The following RAD50 variants were observed in gnomAD, a reference collection of about 807,000 sequenced individuals.
RAD50 encodes DNA repair protein RAD50.
Under a neutral mutation model 168.8 loss-of-function variants are expected in RAD50, and 132 were observed. The observed-to-expected ratio is 0.78, with a 90% CI of 0.68 to 0.90. The LOEUF is 0.90. Among genes scored for constraint, RAD50 ranks in the 40% least tolerant of loss-of-function variants. The pLI is 0.00. For missense variants in RAD50, 1,347 were observed against 1,534.4 expected, an observed-to-expected ratio of 0.88 and a Z score of 2.04; for synonymous variants, 525 against 497.4, an observed-to-expected ratio of 1.06 and a Z score of -0.74.
intron 16 of RAD50, 119 bp from the exon 17 acceptor site, chr5:132,608,496 A>G (rs1222262149): frequency 2.4e-6 from 2 of 825,966 alleles, no homozygotes; most frequent in Non-Finnish European, 3.7e-6. Context: ...GAAAGGAGCA[A>G]ATGAGTTGAC....
At chr5:132,577,868 G>A (rs2149837063) in intron 3 of RAD50, among the ~76,000 whole-genome samples, 1 of 139,640 alleles carries the variant, frequency 7.2e-6, no homozygotes, top group South Asian at 2.3e-4. Context: ...AGGCTGGAGT[G>A]CAGTGGTGAA....
At chr5:132,593,252 T>G (rs1750736090) in intron 11 of RAD50, 1 of 173,564 alleles carries the variant, frequency 5.8e-6, no homozygotes, top group Admixed American at 5.6e-5. Flanking sequence ...TTCAGTTTAA[T>G]TGGGGCTCTT....
chr5:132,591,810 A>G, intron 10 of RAD50, 67 bp from the exon 11 acceptor site: 2 of 1,203,034 alleles, frequency 1.7e-6, no homozygotes, highest in Non-Finnish European at 2.4e-6. Context: ...TCTAGAATTT[A>G]TTTTTGTTCT....
intron 2 of RAD50, among the ~76,000 whole-genome samples, chr5:132,573,186 G>T (rs1020448147): frequency 2.0e-5 from 3 of 152,178 alleles, no homozygotes; most frequent in African/African-American, 7.2e-5. Context: ...GGGCAGGAAA[G>T]CTATGTATAC....
chr5:132,568,492 A>G (rs893895824), intron 2 of RAD50, among the ~76,000 whole-genome samples: 1 of 152,228 alleles, frequency 6.6e-6, no homozygotes, highest in African/African-American at 2.4e-5. Flanking sequence ...AAAAAGACCC[A>G]AGAAGCTGAA....
At chr5:132,562,652 C>A (rs949600577) in intron 2 of RAD50, among the ~76,000 whole-genome samples, 1 of 151,802 alleles carries the variant, frequency 6.6e-6, no homozygotes. Context: ...AAGGAGATGT[C>A]CAGTTGGCAA....
intron 17 of RAD50, 81 bp from the exon 18 acceptor site, chr5:132,609,036 C>T: frequency 6.4e-7 from 1 of 1,559,424 alleles, no homozygotes; most frequent in Non-Finnish European, 8.7e-7. Context: ...TTCATAACTT[C>T]CCAGCCAGTG....
chr5:132,619,966 G>A (rs1055083823), intron 21 of RAD50, among the ~76,000 whole-genome samples: 23 of 148,834 alleles, frequency 1.5e-4, no homozygotes, highest in African/African-American at 5.7e-4. Context: ...GTGCAGTGGC[G>A]CCATCTCGGC....
At chr5:132,594,403 A>T (rs1750753404) in intron 11 of RAD50, among the ~76,000 whole-genome samples, 1 of 152,208 alleles carries the variant, frequency 6.6e-6, no homozygotes, top group Non-Finnish European at 1.5e-5. Context: ...TCTTTGATGA[A>T]TGAGAGGGAA....
intron 13 of RAD50, 66 bp from the exon 14 acceptor site, chr5:132,603,231 AAAT>A: frequency 7.1e-7 from 1 of 1,407,756 alleles, no homozygotes; most frequent in Non-Finnish European, 9.8e-7. Context: ...TTCTTCCTAA[AAAT>A]ACATAACCTC....
chr5:132,637,004 A>G, intron 21 of RAD50, 111 bp from the exon 22 acceptor site: 1 of 853,962 alleles, frequency 1.2e-6, no homozygotes, highest in Non-Finnish European at 1.5e-6. Flanking sequence ...ATATTGAGGA[A>G]GTTATTTATA....
intron 19 of RAD50, among the ~76,000 whole-genome samples, chr5:132,614,674 G>C: frequency 6.6e-6 from 1 of 151,620 alleles, no homozygotes. Flanking sequence ...TTTTAAATTT[G>C]TATTTTTTTA....
At chr5:132,580,790 C>A (rs961611073) in intron 5 of RAD50, among the ~76,000 whole-genome samples, 2 of 152,046 alleles carry the variant, frequency 1.3e-5, no homozygotes, top group Non-Finnish European at 2.9e-5. Flanking sequence ...TACAACTGCA[C>A]CCCTGTCCTT....
chr5:132,617,057 A>G (rs1358599951), intron 20 of RAD50, among the ~76,000 whole-genome samples: 1 of 152,170 alleles, frequency 6.6e-6, no homozygotes, highest in Non-Finnish European at 1.5e-5. Flanking sequence ...TTTTGTATGC[A>G]TTATGCACAC....
intron 19 of RAD50, among the ~76,000 whole-genome samples, chr5:132,613,842 C>G (rs1751130493): frequency 6.6e-6 from 1 of 152,086 alleles, no homozygotes; most frequent in Non-Finnish European, 1.5e-5. Context: ...AGTAATCCAT[C>G]TGCCTTGGCC....
intron 19 of RAD50, among the ~76,000 whole-genome samples, chr5:132,612,616 C>T (rs572771524): frequency 1.3e-4 from 20 of 152,268 alleles, no homozygotes; most frequent in African/African-American, 4.8e-4. Flanking sequence ...GGGCAGATTG[C>T]TTGAGCCTGG....
At chr5:132,618,559 G>A (rs1751220260) in intron 21 of RAD50, among the ~76,000 whole-genome samples, 1 of 151,758 alleles carries the variant, frequency 6.6e-6, no homozygotes, top group Admixed American at 6.6e-5. Context: ...TGTATTTTTA[G>A]TAGAGACGGG....
Position 132,643,203 on chromosome 5 carries a change from G to A in RAD50, c.*839G>A. ...CTCTCTAAGTGGGCATTGCCATGTGGAAGGCAAGCCAGGCTCACTCACAGA... is the reference window on the plus strand; with the variant it reads ...CTCTCTAAGTGGGCATTGCCATGTGAAAGGCAAGCCAGGCTCACTCACAGA... On this transcript the variant is annotated 3_prime_UTR_variant, in exon 25 of 25. Transcript: ENST00000378823. The A allele has an allele frequency of 8.1e-6, 3 of 369,746 alleles. No individual in the cohort carries two copies. The South Asian group carries it at 8.5e-5, about 10-fold the overall frequency. The allele number at this position is 369,746 out of a possible 1,614,324, so 22.9% of individuals were successfully genotyped here.
At position 132,637,376 on chromosome 5, in the gene RAD50, T is replaced by C. The variant is rs79996261; in HGVS notation, c.3475+176T>C. Among the ~76,000 whole-genome samples the C allele has an allele frequency of 0.024, 3,694 of 152,266 alleles. 110 individuals carry two copies. Among genetic ancestry groups the C allele is most frequent in the African/African-American group, 0.077 (3,192 of 41,538 alleles). ...CTTGTAGCAAGAAAATGTAAAGTTT[T>C]CTGTTCCAGAGCCTAACAGGACTTA... On this transcript the variant is annotated intron_variant, in intron 22 of 24. Coordinates refer to ENST00000378823, the MANE Select transcript of RAD50 (RefSeq NM_005732.4).
Sources: gnomAD v4.1 joint callset for allele counts (sites outside exome capture counted in the v4.1 genomes callset) on GRCh38, gnomAD v4.1.1 for gene constraint, MANE v1.5 for transcripts, NCBI Gene and HGNC (gene_info 2026-07-23, HGNC 2026-07-21) for gene names.